Variants in ALG9 observed in about 807,000 individuals in gnomAD.
ALG9 encodes alpha-1,2-mannosyltransferase ALG9.
In ALG9, 55 loss-of-function variants were observed where a neutral mutation model predicts 81.8. That is an observed-to-expected ratio of 0.67 (90% confidence interval 0.54 to 0.84). ALG9 has a LOEUF of 0.84. Ranked by LOEUF, ALG9 falls within the 40% of genes least tolerant of loss-of-function variation. The pLI is 0.00. For missense variants in ALG9, 629 were observed against 745.0 expected, an observed-to-expected ratio of 0.84 and a Z score of 1.81; for synonymous variants, 278 against 274.3, an observed-to-expected ratio of 1.01 and a Z score of -0.13.
At chr11:111,810,115 T>C (rs1555089807) in intron 13 of ALG9, among the ~76,000 whole-genome samples, 4 of 152,192 alleles carry the variant, frequency 2.6e-5, no homozygotes. Context: ...TTCCAGTCCA[T>C]CACCTCTTAT....
Position 111,870,279 on chromosome 11 carries a change from G to A in ALG9, c.223C>T (p.Leu75=). Residue 75 remains leucine, a synonymous_variant, in exon 2 of 15, where the codon CTG becomes TTG. Transcript: ENST00000616540. The part of the protein sequence containing the change: ...LLSARLCAAL[L]SNISDCDETF... ...TCATCACAGTCAGAGATGTTGCTCA[G>A]GAGAGCAGCACATAACCTTGCTGAA... 1.2e-6 allele frequency: 2 copies of A among 1,612,142 alleles called. No individual in the cohort carries two copies. Among genetic ancestry groups the A allele is most frequent in the Non-Finnish European group, 1.7e-6 (2 of 1,179,340 alleles).
downstream of ALG9, among the ~76,000 whole-genome samples, chr11:111,778,732 A>C (rs1366392740): frequency 6.6e-6 from 1 of 152,040 alleles, no homozygotes; most frequent in Non-Finnish European, 1.5e-5. Context: ...AAAAAAAAAC[A>C]TAATGGATGC....
the ALG9 span, among the ~76,000 whole-genome samples, chr11:111,776,399 G>A: frequency 6.6e-6 from 1 of 152,188 alleles, no homozygotes; most frequent in East Asian, 1.9e-4. Flanking sequence ...AGACCAGCCT[G>A]GCCAACATGG....
rs118051632 is a variant in ALG9 at position 111,842,729 on chromosome 11, T to C, written c.1018+1872A>G. Among the ~76,000 whole-genome samples the C allele has an allele frequency of 7.3e-3, 1,109 of 151,914 alleles. 11 individuals carry two copies. The highest frequency in any genetic ancestry group is 0.013 in the Non-Finnish European group (882 of 67,958). ...ATGAGCCACTGTGCCTGGTCTTTTTTCTCTTAAAAAAGTATTGGTTCTATT... is the reference window on the plus strand; with the variant it reads ...ATGAGCCACTGTGCCTGGTCTTTTTCCTCTTAAAAAAGTATTGGTTCTATT... On this transcript the variant is annotated intron_variant, in intron 9 of 14. Transcript: ENST00000616540.
intron 6 of ALG9, among the ~76,000 whole-genome samples, chr11:111,856,979 C>T (rs900953697): frequency 2.0e-5 from 3 of 152,104 alleles, no homozygotes; most frequent in Non-Finnish European, 2.9e-5. Context: ...TGGTGGCGCA[C>T]GCCTGTAGCC....
intron 12 of ALG9, 64 bp from the exon 13 acceptor site, chr11:111,836,358 A>G: frequency 1.9e-6 from 3 of 1,596,504 alleles, no homozygotes; most frequent in Non-Finnish European, 2.6e-6. Context: ...TGTACTTGAA[A>G]CAAACAAGCC....
intron 11 of ALG9, 35 bp downstream of exon 11, chr11:111,838,214 G>A (rs374563989): frequency 9.1e-5 from 147 of 1,612,244 alleles, no homozygotes; most frequent in Admixed American, 1.7e-4. Flanking sequence ...CAAGTGACTC[G>A]TCAGTGTAGG....
chr11:111,849,184 A>AATTTTT (rs1957375082), intron 8 of ALG9, among the ~76,000 whole-genome samples: 1 of 151,762 alleles, frequency 6.6e-6, no homozygotes, highest in African/African-American at 2.4e-5. Flanking sequence ...CTGAGTAGCT[A>AATTTTT]GGATTAAAGG....
At chr11:111,781,904 CCA>C (rs1449387952), downstream of ALG9, among the ~76,000 whole-genome samples, 1 of 152,226 alleles carries the variant, frequency 6.6e-6, no homozygotes, top group Non-Finnish European at 1.5e-5. Context: ...TCTCGGCATC[CCA>C]CAGTGCTGTG....
intron 8 of ALG9, among the ~76,000 whole-genome samples, chr11:111,848,245 G>A (rs1278008252): frequency 6.6e-6 from 1 of 152,176 alleles, no homozygotes; most frequent in Non-Finnish European, 1.5e-5. Flanking sequence ...ATAATCAGAA[G>A]ATATTGTAAT....
intron 13 of ALG9, among the ~76,000 whole-genome samples, chr11:111,811,789 A>T (rs533213829): frequency 6.6e-6 from 1 of 152,270 alleles, no homozygotes; most frequent in African/African-American, 2.4e-5. Flanking sequence ...AAATGTTCGT[A>T]ATAGGCAAAT....
intron 14 of ALG9, among the ~76,000 whole-genome samples, chr11:111,792,944 G>C (rs1344733086): frequency 6.6e-6 from 1 of 152,106 alleles, no homozygotes; most frequent in African/African-American, 2.4e-5. Context: ...ATATGCTTAG[G>C]CCCATTCTCA....
intron 13 of ALG9, among the ~76,000 whole-genome samples, chr11:111,815,560 G>T (rs1555096354): frequency 6.6e-6 from 1 of 152,160 alleles, no homozygotes; most frequent in African/African-American, 2.4e-5. Flanking sequence ...AAATGATTAG[G>T]TATGATCAAG....
intron 10 of ALG9, 58 bp downstream of exon 10, chr11:111,840,597 A>G: frequency 6.2e-7 from 1 of 1,600,834 alleles, no homozygotes; most frequent in Non-Finnish European, 8.6e-7. Context: ...TAAGTTTGTG[A>G]GCAATTATTT....
Position 111,811,597 on chromosome 11 carries a change from T to C in ALG9, c.1603-1824A>G, listed in dbSNP as rs145093737. ...TTATTGACAAATGCCCATCAACAGA[T>C]AGATTCATGTGGTATATCCATACCA... On this transcript the variant is annotated intron_variant, in intron 13 of 14. Transcript: ENST00000616540. Among the ~76,000 whole-genome samples, 1,388 of 146,290 alleles carry C rather than the reference T, an allele frequency of 9.5e-3. 21 individuals are homozygous for C. The highest frequency in any genetic ancestry group is 0.033 in the African/African-American group (1,317 of 39,518).
chr11:111,850,706 CAA>C lies in ALG9; in HGVS notation c.895+2672_895+2673del, dbSNP rs782114013. ...CGGGTGACAGAGCGAGATACTGTCTCAAAAAAAAAAAAAAAAAATCAGACAAA... is the reference window on the plus strand; with the variant it reads ...CGGGTGACAGAGCGAGATACTGTCTCAAAAAAAAAAAAAAAATCAGACAAA... On this transcript the variant is annotated intron_variant, in intron 8 of 14. Coordinates refer to ENST00000616540, the MANE Select transcript of ALG9 (RefSeq NM_024740.2). Among the ~76,000 whole-genome samples, 16 of 66,678 alleles carry C rather than the reference CAA, an allele frequency of 2.4e-4. 1 individual carries two copies. The highest frequency in any genetic ancestry group is 1.2e-3 in the African/African-American group (13 of 10,860). The allele number at this position is 66,678 out of a possible 152,430, so 43.7% of individuals were successfully genotyped here.
At chr11:111,858,087 C>A in intron 5 of ALG9, 1 of 337,858 alleles carries the variant, frequency 3.0e-6, no homozygotes, top group South Asian at 2.4e-5. Context: ...CAGGCACGTG[C>A]CACCACACCC....
At chr11:111,866,958 G>C (rs931716876) in intron 3 of ALG9, among the ~76,000 whole-genome samples, 3 of 152,132 alleles carry the variant, frequency 2.0e-5, no homozygotes, top group Non-Finnish European at 2.9e-5. Flanking sequence ...AGCCACACGT[G>C]GGGGCTCAAG....
At chr11:111,803,440 G>T (rs1014776806) in intron 14 of ALG9, among the ~76,000 whole-genome samples, 5 of 150,660 alleles carry the variant, frequency 3.3e-5, no homozygotes, top group Non-Finnish European at 7.4e-5. Context: ...GGCAGAGGTT[G>T]CAACAAGCCA....
Sources: gnomAD v4.1 joint callset for allele counts (sites outside exome capture counted in the v4.1 genomes callset) on GRCh38, gnomAD v4.1.1 for gene constraint, MANE v1.5 for transcripts, NCBI Gene and HGNC (gene_info 2026-07-23, HGNC 2026-07-21) for gene names.